Variants in SCFD2 observed in about 807,000 individuals in gnomAD.
The protein encoded by SCFD2 is sec1 family domain containing 2.
Under a neutral mutation model 58.9 loss-of-function variants are expected in SCFD2, and 54 were observed. The ratio of observed to expected loss-of-function variants is 0.92; its 90% confidence interval spans 0.74 to 1.15. The LOEUF is 1.15. SCFD2 is among the 50% of genes most tolerant of loss of function. The probability of loss-of-function intolerance (pLI) is 0.00; values close to 1 mark genes in which losing one functional copy is unlikely to be tolerated. For missense variants in SCFD2, 805 were observed against 836.6 expected (o/e 0.96, Z 0.47); for synonymous variants, 321 against 335.9 (o/e 0.96, Z 0.49).
At chr4:52,890,933 CT>C (rs1245033500) in intron 7 of SCFD2, among the ~76,000 whole-genome samples, 1 of 152,160 alleles carries the variant, frequency 6.6e-6, no homozygotes, top group Non-Finnish European at 1.5e-5. Flanking sequence ...CCACATGGTG[CT>C]CCTCCACTCA....
intron 5 of SCFD2, among the ~76,000 whole-genome samples, chr4:52,968,516 G>A (rs1420438505): frequency 6.6e-6 from 1 of 152,334 alleles, no homozygotes; most frequent in South Asian, 2.1e-4. Context: ...GCATGTATGT[G>A]TGTTCAGCAT....
At position 52,956,077 on chromosome 4, in the gene SCFD2, C is replaced by A. The variant is rs932965058; in HGVS notation, c.1562-35207G>T. ...ATGGGGGTCCCACTCTCCCTCCCAGCTTGAGGTCTCTGAGATGCAACACAA... is the reference window on the plus strand; with the variant it reads ...ATGGGGGTCCCACTCTCCCTCCCAGATTGAGGTCTCTGAGATGCAACACAA... On this transcript the variant is annotated intron_variant, in intron 5 of 8. Transcript: ENST00000401642. 8.8e-6 allele frequency: 4 copies of A among 456,516 alleles called. No homozygotes were observed. In the East Asian group the frequency reaches 2.8e-4, roughly 32 times the overall value. The allele number at this position is 456,516 out of a possible 1,614,324, so 28.3% of individuals were successfully genotyped here.
At chr4:53,362,673 A>G (rs749161838) in intron 1 of SCFD2, among the ~76,000 whole-genome samples, 21 of 113,018 alleles carry the variant, frequency 1.9e-4, no homozygotes, top group African/African-American at 3.6e-4. Flanking sequence ...CAAGTTTGCT[A>G]TAAAATAAAG....
intron 5 of SCFD2, among the ~76,000 whole-genome samples, chr4:53,012,376 TCA>T (rs572964297): frequency 3.5e-4 from 52 of 147,976 alleles, no homozygotes; most frequent in South Asian, 2.2e-4. Flanking sequence ...TCTCTCTCTC[TCA>T]CACACACACA....
chr4:53,244,984 T>C (rs966018576), intron 4 of SCFD2, among the ~76,000 whole-genome samples: 1 of 152,106 alleles, frequency 6.6e-6, no homozygotes, highest in East Asian at 1.9e-4. Context: ...GACACCTCTA[T>C]GTACACAAAC....
At chr4:53,281,600 A>G (rs1382434338) in intron 3 of SCFD2, among the ~76,000 whole-genome samples, 1 of 152,240 alleles carries the variant, frequency 6.6e-6, no homozygotes, top group Non-Finnish European at 1.5e-5. Flanking sequence ...CCCTGAGCAC[A>G]TGTGTTTATA....
chr4:53,003,682 G>A (rs1936126289), intron 5 of SCFD2, among the ~76,000 whole-genome samples: 1 of 152,206 alleles, frequency 6.6e-6, no homozygotes, highest in African/African-American at 2.4e-5. Flanking sequence ...AATGGGATGG[G>A]GTCAAGGAAT....
At chr4:53,056,155 G>A (rs1723333427) in intron 5 of SCFD2, among the ~76,000 whole-genome samples, 1 of 150,504 alleles carries the variant, frequency 6.6e-6, no homozygotes, top group Admixed American at 6.6e-5. Context: ...GGTCATAGGG[G>A]AAGGCAAACA....
chr4:53,158,559 T>C (rs1297767091), intron 4 of SCFD2, among the ~76,000 whole-genome samples: 3 of 108,564 alleles, frequency 2.8e-5, no homozygotes, highest in South Asian at 5.5e-4. Flanking sequence ...AGCCAAGTCT[T>C]GATGATTTTT....
At chr4:53,302,590 G>A (rs1348548696) in intron 3 of SCFD2, among the ~76,000 whole-genome samples, 1 of 151,778 alleles carries the variant, frequency 6.6e-6, no homozygotes, top group African/African-American at 2.4e-5. Flanking sequence ...CACAGAATTG[G>A]AAAAAACTAC....
At chr4:52,917,024 A>G (rs1037588017) in intron 6 of SCFD2, among the ~76,000 whole-genome samples, 1 of 152,170 alleles carries the variant, frequency 6.6e-6, no homozygotes, top group Non-Finnish European at 1.5e-5. Context: ...TAGCCTCCCT[A>G]GTAGCTGGGA....
chr4:52,924,846 T>C (rs993577956), intron 5 of SCFD2, among the ~76,000 whole-genome samples: 2 of 152,190 alleles, frequency 1.3e-5, no homozygotes, highest in South Asian at 2.1e-4. Context: ...AACTTCTCCA[T>C]GTATGCTGCC....
At chr4:53,306,763 A>G (rs1732529622) in intron 3 of SCFD2, among the ~76,000 whole-genome samples, 1 of 152,240 alleles carries the variant, frequency 6.6e-6, no homozygotes, top group Non-Finnish European at 1.5e-5. Flanking sequence ...GTGTCCTTAG[A>G]AGCCAGAGCA....
chr4:53,302,247 G>A (rs1470890577), intron 3 of SCFD2, among the ~76,000 whole-genome samples: 1 of 152,200 alleles, frequency 6.6e-6, no homozygotes, highest in African/African-American at 2.4e-5. Flanking sequence ...AGCAACTTCA[G>A]CAAAGTCTCA....
chr4:53,358,125 C>A (rs867148702), intron 1 of SCFD2, among the ~76,000 whole-genome samples: 2 of 152,304 alleles, frequency 1.3e-5, no homozygotes. Flanking sequence ...AATTTCAATA[C>A]TTTGACAAGT....
At chr4:53,203,426 T>C (rs1192097699) in intron 4 of SCFD2, among the ~76,000 whole-genome samples, 2 of 151,940 alleles carry the variant, frequency 1.3e-5, no homozygotes, top group Non-Finnish European at 2.9e-5. Flanking sequence ...AGTTGGATTT[T>C]CAATTTTCGA....
chr4:52,929,281 T>G (rs971426451), intron 5 of SCFD2, among the ~76,000 whole-genome samples: 1 of 152,160 alleles, frequency 6.6e-6, no homozygotes, highest in African/African-American at 2.4e-5. Context: ...TGGGTGTTTA[T>G]TATATAAGTA....
At chr4:53,351,366 A>G (rs1222933953) in intron 2 of SCFD2, among the ~76,000 whole-genome samples, 4 of 152,338 alleles carry the variant, frequency 2.6e-5, no homozygotes, top group Admixed American at 1.3e-4. Context: ...CAAGGTCTAC[A>G]TTGATCTACA....
intron 2 of SCFD2, among the ~76,000 whole-genome samples, chr4:53,326,881 A>T (rs1733215138): frequency 6.6e-6 from 1 of 152,178 alleles, no homozygotes; most frequent in Non-Finnish European, 1.5e-5. Flanking sequence ...TTAACTAACA[A>T]ATTAAATCCA....
Sources: allele counts gnomAD v4.1 joint callset (sites outside exome capture counted in the v4.1 genomes callset), GRCh38; gene constraint gnomAD v4.1.1; transcripts MANE v1.5; gene names NCBI Gene and HGNC (gene_info 2026-07-23, HGNC 2026-07-21).